Variants in TTC7A observed in about 807,000 individuals in gnomAD.
TTC7A encodes the protein tetratricopeptide repeat protein 7A.
In TTC7A, 110 loss-of-function variants were observed where a neutral mutation model predicts 103.7. That is an observed-to-expected ratio of 1.06 (90% confidence interval 0.91 to 1.24). The LOEUF (loss-of-function observed/expected upper bound fraction) is 1.24, where lower values mean the gene tolerates loss of function less well. TTC7A is among the 50% of genes most tolerant of loss of function. TTC7A has a pLI of 0.00. For synonymous variants in TTC7A, 521 were observed against 467.9 expected (o/e 1.11, Z -1.47); for missense variants, 1,340 against 1,116.3 (o/e 1.20, Z -2.86).
rs768134160 is a variant in TTC7A, at chr2:46,993,484, G to C, written c.799G>C (p.Val267Leu). The change falls in exon 6 of 20, where the codon GTG becomes CTG. Residue 267 changes from valine to leucine, a missense_variant. Physicochemically the swap from Val to Leu is conservative, Grantham distance 32. Transcript: ENST00000319190. The stretch of plus-strand genomic sequence containing the variant: ...GAAGGGCATGAGAGAGCTCCGGGAG[G>C]TGCTGCGGACTGTGGAGACCAAAGC... The part of the protein sequence containing the change: ...IVKGMRELRE[V>L]LRTVETKATQ... 2 of 1,614,086 alleles carry C rather than the reference G, an allele frequency of 1.2e-6. No homozygotes were observed. The highest frequency in any genetic ancestry group is 2.7e-5 in the African/African-American group (2 of 74,922).
chr2:46,956,953 G>A lies in TTC7A; in HGVS notation c.463G>A (p.Glu155Lys). The A allele has an allele frequency of 6.2e-7, 1 of 1,614,206 alleles. No individual in the cohort carries two copies. Among genetic ancestry groups the A allele is most frequent in the Non-Finnish European group, 8.5e-7 (1 of 1,180,044 alleles). ...GGCCGGGATTGATGACATGTCCATG[G>A]AGAACAAGCCCCTGTATCAGATGCG... ...ARAGIDDMSM[E>K]NKPLYQMRLL... Residue 155 changes from glutamate (E) to lysine (K), a missense_variant, in exon 3 of 20, where the codon GAG (glutamate) becomes AAG (lysine). Physicochemically the swap from Glu to Lys is moderately conservative, Grantham distance 56. Transcript: ENST00000319190.
chr2:46,976,890 G>T (rs1572787471), intron 4 of TTC7A, among the ~76,000 whole-genome samples: 1 of 152,280 alleles, frequency 6.6e-6, no homozygotes, highest in East Asian at 1.9e-4. Context: ...AATGACCGAT[G>T]GGCTCAGCAA....
At chr2:46,991,443 G>T (rs1346398302) in intron 5 of TTC7A, among the ~76,000 whole-genome samples, 1 of 151,970 alleles carries the variant, frequency 6.6e-6, no homozygotes, top group Non-Finnish European at 1.5e-5. Context: ...AGACCAGGCT[G>T]GGCAACATAG....
chr2:46,950,545 A>G lies in TTC7A; in HGVS notation c.348+19A>G. The G allele has an allele frequency of 3.7e-6, 6 of 1,613,222 alleles. No individual in the cohort carries two copies. The highest frequency in any genetic ancestry group is 5.1e-6 in the Non-Finnish European group (6 of 1,179,574). On this transcript the variant is annotated intron_variant, in intron 2 of 19. Coordinates refer to ENST00000319190, the MANE Select transcript of TTC7A (RefSeq NM_020458.4). ...GCTCTCGGTAAGTCGTCAGCCTTCA[A>G]GCCTGAGACCTCCTCTCCTCGTCTG...
chr2:47,023,745 T>C (rs188785361), intron 13 of TTC7A, among the ~76,000 whole-genome samples: 51 of 152,190 alleles, frequency 3.4e-4, no homozygotes, highest in Admixed American at 3.3e-4. Flanking sequence ...ATTGCTGTTG[T>C]AGTAATTACA....
At chr2:47,024,499 T>C in intron 14 of TTC7A, 140 bp downstream of exon 14, 3 of 712,888 alleles carry the variant, frequency 4.2e-6, no homozygotes, top group Non-Finnish European at 6.8e-6. Flanking sequence ...TGTAAGTCCT[T>C]TGAGCCCTCA....
intron 3 of TTC7A, among the ~76,000 whole-genome samples, chr2:46,965,586 C>A (rs1161872661): frequency 2.2e-5 from 3 of 139,026 alleles, no homozygotes; most frequent in East Asian, 4.4e-4. Context: ...TTTTTTGAGA[C>A]AGTCTCACTC....
chr2:47,045,973 A>T (rs944298848), intron 15 of TTC7A, among the ~76,000 whole-genome samples: 13 of 152,082 alleles, frequency 8.5e-5, no homozygotes, highest in African/African-American at 2.9e-4. Flanking sequence ...TTAGTGGAGG[A>T]TGTGGGTAGG....
At chr2:47,022,540 T>TCTTA (rs1172244675) in intron 12 of TTC7A, among the ~76,000 whole-genome samples, 1 of 152,138 alleles carries the variant, frequency 6.6e-6, no homozygotes, top group Non-Finnish European at 1.5e-5. Context: ...CAGCCATGTG[T>TCTTA]CTTACTCCGT....
intron 14 of TTC7A, among the ~76,000 whole-genome samples, chr2:47,025,683 C>T (rs906166710): frequency 2.6e-5 from 4 of 152,210 alleles, no homozygotes; most frequent in Non-Finnish European, 5.9e-5. Flanking sequence ...ATTTTCTCCC[C>T]AACGGCCCTG....
intron 2 of TTC7A, among the ~76,000 whole-genome samples, chr2:46,932,101 C>A (rs1460345078): frequency 1.3e-5 from 2 of 151,572 alleles, no homozygotes; most frequent in Admixed American, 1.3e-4. Flanking sequence ...ATAGAAAAAA[C>A]TTCCTAAATC....
chr2:47,006,174 C>A, intron 9 of TTC7A, 115 bp downstream of exon 9: 1 of 1,376,546 alleles, frequency 7.3e-7, no homozygotes, highest in Non-Finnish European at 9.8e-7. Context: ...GGCTGCTCTG[C>A]CGCTTTGACC....
intron 15 of TTC7A, among the ~76,000 whole-genome samples, chr2:47,042,755 C>A (rs113931349): frequency 2.0e-4 from 30 of 152,062 alleles, no homozygotes; most frequent in African/African-American, 6.8e-4. Flanking sequence ...GCCAGACATT[C>A]AGAGAAGGAC....
chr2:46,974,647 TAAA>T (rs1673673261), intron 3 of TTC7A: 4 of 469,848 alleles, frequency 8.5e-6, no homozygotes, highest in Non-Finnish European at 1.7e-5. Flanking sequence ...AAGAAAAAAA[TAAA>T]TTTTTTTAAA....
intron 16 of TTC7A, among the ~76,000 whole-genome samples, chr2:47,049,654 CT>C (rs1216681817): frequency 6.6e-6 from 1 of 152,128 alleles, no homozygotes; most frequent in Non-Finnish European, 1.5e-5. Flanking sequence ...GTTGCTCCCC[CT>C]GGCCTGGGGA....
intron 2 of TTC7A, chr2:46,917,356 A>C: frequency 1.7e-6 from 1 of 593,422 alleles, no homozygotes; most frequent in Non-Finnish European, 3.0e-6. Flanking sequence ...TTCTTTCCTT[A>C]CTCTGAACTT....
chr2:46,951,571 CT>C, intron 2 of TTC7A: 1 of 446,350 alleles, frequency 2.2e-6, no homozygotes, highest in South Asian at 1.6e-5. Context: ...CTCTTTCTTT[CT>C]GTCTTTCTGT....
chr2:46,993,071 G>A (rs1273317067), intron 5 of TTC7A, among the ~76,000 whole-genome samples: 7 of 152,220 alleles, frequency 4.6e-5, no homozygotes, highest in Non-Finnish European at 7.3e-5. Flanking sequence ...AGCATCAATC[G>A]GATACAGCAA....
At chr2:47,037,928 C>T (rs1259514206) in intron 15 of TTC7A, among the ~76,000 whole-genome samples, 7 of 152,122 alleles carry the variant, frequency 4.6e-5, no homozygotes, top group East Asian at 1.9e-4. Flanking sequence ...GGTAAATAGA[C>T]GCTGTCATTC....
Sources: gnomAD v4.1 joint callset for allele counts (sites outside exome capture counted in the v4.1 genomes callset) on GRCh38, gnomAD v4.1.1 for gene constraint, MANE v1.5 for transcripts, NCBI Gene and HGNC (gene_info 2026-07-23, HGNC 2026-07-21) for gene names.